DOCK2: variants seen among roughly 807,000 people sequenced by gnomAD.
The protein encoded by DOCK2 is dedicator of cytokinesis protein 2.
Under a neutral mutation model 248.9 loss-of-function variants are expected in DOCK2, and 87 were observed. That is an observed-to-expected ratio of 0.35 (90% confidence interval 0.29 to 0.42). The LOEUF (loss-of-function observed/expected upper bound fraction) is 0.42. DOCK2 is among the 10% of genes least tolerant of loss of function. DOCK2 has a pLI of 1.00. For synonymous variants in DOCK2, 805 were observed against 821.6 expected (o/e 0.98, Z 0.35); for missense variants, 1,747 against 2,300.2 (o/e 0.76, Z 4.92).
intron 8 of DOCK2, among the ~76,000 whole-genome samples, chr5:169,687,335 TTGAG>T (rs777930475): frequency 9.2e-5 from 14 of 152,228 alleles, no homozygotes; most frequent in Non-Finnish European, 8.8e-5. Context: ...CTTAACTTGA[TTGAG>T]TTTTAAGCAT....
intron 27 of DOCK2, among the ~76,000 whole-genome samples, chr5:169,876,464 G>A (rs1169913976): frequency 2.6e-5 from 4 of 152,210 alleles, no homozygotes; most frequent in African/African-American, 9.6e-5. Flanking sequence ...TCACCTGGAG[G>A]GAGTTTTGTG....
chr5:170,012,247 A>G (rs118168813), intron 32 of DOCK2, among the ~76,000 whole-genome samples: 4,216 of 147,884 alleles, frequency 0.029, 264 homozygotes, highest in Admixed American at 0.15. Flanking sequence ...AAGTGTATGC[A>G]TATTGTTTCA....
intron 40 of DOCK2, among the ~76,000 whole-genome samples, chr5:170,047,883 A>C (rs568127257): frequency 6.6e-6 from 1 of 152,258 alleles, no homozygotes; most frequent in African/African-American, 2.4e-5. Context: ...GTGTTCAAAG[A>C]GAGGCTGGAG....
chr5:170,007,486 C>T (rs958430569), intron 30 of DOCK2, among the ~76,000 whole-genome samples: 1 of 152,214 alleles, frequency 6.6e-6, no homozygotes, highest in African/African-American at 2.4e-5. Flanking sequence ...TCTTTAAACA[C>T]ATCATTTTGT....
intron 27 of DOCK2, among the ~76,000 whole-genome samples, chr5:169,860,112 T>G (rs261032): frequency 6.6e-6 from 1 of 151,630 alleles, no homozygotes; most frequent in African/African-American, 2.4e-5. Context: ...ACCAGAGGTG[T>G]GAGCCACACT....
intron 27 of DOCK2, among the ~76,000 whole-genome samples, chr5:169,902,598 G>A (rs1029977886): frequency 5.9e-5 from 9 of 152,192 alleles, no homozygotes; most frequent in Non-Finnish European, 2.9e-5. Context: ...ACTGCACCCC[G>A]CTGAGGCTCC....
intron 34 of DOCK2, among the ~76,000 whole-genome samples, chr5:170,033,558 G>A (rs1189709762): frequency 6.6e-6 from 1 of 152,154 alleles, no homozygotes; most frequent in Non-Finnish European, 1.5e-5. Flanking sequence ...GCACACACAT[G>A]CAGTGTTCGG....
At chr5:169,889,630 GT>G (rs543983881) in intron 27 of DOCK2, among the ~76,000 whole-genome samples, 5 of 152,184 alleles carry the variant, frequency 3.3e-5, no homozygotes, top group Non-Finnish European at 7.4e-5. Context: ...GAGTCAGCAA[GT>G]TTTTTCTTTA....
At chr5:169,770,264 C>T (rs1304879830) in intron 25 of DOCK2, among the ~76,000 whole-genome samples, 1 of 151,664 alleles carries the variant, frequency 6.6e-6, no homozygotes, top group Non-Finnish European at 1.5e-5. Flanking sequence ...TGCCTTTCCC[C>T]ACCTAAGGTA....
At chr5:169,827,957 G>A (rs927315732) in intron 26 of DOCK2, among the ~76,000 whole-genome samples, 1 of 152,140 alleles carries the variant, frequency 6.6e-6, no homozygotes, top group Non-Finnish European at 1.5e-5. Context: ...GAGAGTGAGT[G>A]AGTCCATATT....
chr5:169,908,566 T>C (rs116008721), intron 27 of DOCK2, among the ~76,000 whole-genome samples: 6,906 of 152,248 alleles, frequency 0.045, 237 homozygotes, highest in South Asian at 0.12. Context: ...ATATGGGTCC[T>C]GGACGTTTTT....
At chr5:169,867,376 G>A (rs1771634291) in intron 27 of DOCK2, among the ~76,000 whole-genome samples, 1 of 152,180 alleles carries the variant, frequency 6.6e-6, no homozygotes, top group Admixed American at 6.5e-5. Context: ...GGCTATGGGA[G>A]TTATGAGCCA....
intron 26 of DOCK2, among the ~76,000 whole-genome samples, chr5:169,829,407 T>A (rs1279105295): frequency 1.3e-5 from 2 of 152,228 alleles, no homozygotes; most frequent in African/African-American, 4.8e-5. Flanking sequence ...CATTAGCCCA[T>A]GCAGTAATAC....
intron 33 of DOCK2, among the ~76,000 whole-genome samples, chr5:170,025,840 CTTCCTTCT>C (rs540020278): frequency 0.051 from 6,072 of 118,974 alleles, 155 homozygotes; most frequent in African/African-American, 0.063. Flanking sequence ...TCCTTCCTTC[CTTCCTTCT>C]TTCCTTCCTT....
At chr5:170,079,226 C>A (rs1757942720) in intron 49 of DOCK2, 80 bp downstream of exon 49, 4 of 1,517,752 alleles carry the variant, frequency 2.6e-6, no homozygotes, top group African/African-American at 2.8e-5. Flanking sequence ...CCAGGGCTTC[C>A]AGATATGGGC....
At position 169,867,565 on chromosome 5, in the gene DOCK2, TATCTATC is replaced by T. The variant is rs750071495; in HGVS notation, c.2799+26721_2799+26727del. On this transcript the variant is annotated intron_variant, in intron 27 of 51. Transcript: ENST00000520908. ...GTATCTATCATCTATCAGTATCTAT[TATCTATC>T]ATCTATCTGTCATCTATCGTTATCT... 2.3e-4 allele frequency among the ~76,000 whole-genome samples: 35 copies of T among 152,150 alleles called. No homozygotes were observed. The South Asian group carries it at 6.0e-3, about 26-fold the overall frequency.
At chr5:169,744,634 C>A (rs1296428851) in intron 22 of DOCK2, among the ~76,000 whole-genome samples, 1 of 151,942 alleles carries the variant, frequency 6.6e-6, no homozygotes, top group Non-Finnish European at 1.5e-5. Flanking sequence ...AATAATGAGA[C>A]ACAGAGAAGT....
intron 22 of DOCK2, among the ~76,000 whole-genome samples, chr5:169,738,654 A>T (rs568422002): frequency 5.0e-4 from 76 of 152,344 alleles, no homozygotes; most frequent in African/African-American, 1.8e-3. Context: ...GCTAAGTCTT[A>T]TGGGCCAGTA....
In DOCK2 at chr5:169,974,386, T is replaced by C. The variant is rs188307918; in HGVS notation, c.2800-8682T>C. Among the ~76,000 whole-genome samples the C allele has an allele frequency of 2.2e-4, 34 of 152,372 alleles. 1 individual carries two copies. The East Asian group carries it at 5.2e-3, about 23-fold the overall frequency. ...CTAACTTCTCTTTCTTCTGGTTTTT[T>C]CTTCCTTTGTTATGGCCCTATAAAA... On this transcript the variant is annotated intron_variant, in intron 27 of 51. Coordinates refer to ENST00000520908, the MANE Select transcript of DOCK2 (RefSeq NM_004946.3).
Sources: gnomAD v4.1 joint callset for allele counts (sites outside exome capture counted in the v4.1 genomes callset) on GRCh38, gnomAD v4.1.1 for gene constraint, MANE v1.5 for transcripts, NCBI Gene and HGNC (gene_info 2026-07-23, HGNC 2026-07-21) for gene names.